The following IL31RA variants were observed in gnomAD, a reference collection of about 807,000 sequenced individuals.
The protein encoded by IL31RA is interleukin-31 receptor subunit alpha.
IL31RA carries 66 observed loss-of-function variants against 83.7 expected under a neutral mutation model. That is an observed-to-expected ratio of 0.79 (90% confidence interval 0.65 to 0.97). The LOEUF (loss-of-function observed/expected upper bound fraction) is 0.97. IL31RA is among the 50% of genes least tolerant of loss of function. IL31RA has a pLI of 0.00. For synonymous variants in IL31RA, 325 were observed against 329.0 expected, an observed-to-expected ratio of 0.99 and a Z score of 0.13; for missense variants, 798 against 919.4, an observed-to-expected ratio of 0.87 and a Z score of 1.71.
intron 5 of IL31RA, among the ~76,000 whole-genome samples, chr5:55,888,605 T>C (rs910958262): frequency 6.6e-6 from 1 of 152,206 alleles, no homozygotes; most frequent in Non-Finnish European, 1.5e-5. Flanking sequence ...GGATTAGTAT[T>C]TTTATTTTAA....
chr5:55,900,067 T>G lies in IL31RA; in HGVS notation c.1004T>G (p.Ile335Ser). The change falls in exon 8 of 15, where the codon ATT (isoleucine) becomes AGT (serine). Residue 335 changes from isoleucine to serine, a missense_variant. Coordinates refer to ENST00000652347, the MANE Select transcript of IL31RA (RefSeq NM_139017.7). ...GGCGAGAGCTTTTGGGTGTCTATGA[T>G]TTCTTATAATTCTCTTGGGAAGTCT... ...LGGESFWVSM[I>S]SYNSLGKSPV... is the part of the protein sequence containing the mutation. 1.2e-6 allele frequency: 2 copies of G among 1,614,152 alleles called. No individual in the cohort carries two copies. Among genetic ancestry groups the G allele is most frequent in the South Asian group, 1.1e-5 (1 of 91,080 alleles).
At chr5:55,891,671 T>C (rs1748001470) in intron 6 of IL31RA, among the ~76,000 whole-genome samples, 1 of 151,166 alleles carries the variant, frequency 6.6e-6, no homozygotes, top group Non-Finnish European at 1.5e-5. Context: ...AAGATAATGT[T>C]CCCATCTCAA....
At chr5:55,909,546 T>C (rs191893222) in intron 11 of IL31RA, among the ~76,000 whole-genome samples, 1 of 152,240 alleles carries the variant, frequency 6.6e-6, no homozygotes, top group African/African-American at 2.4e-5. Context: ...GTATGAGAGT[T>C]TTCATTTCCC....
intron 1 of IL31RA, among the ~76,000 whole-genome samples, chr5:55,853,021 G>T (rs543554653): frequency 1.3e-5 from 2 of 152,280 alleles, no homozygotes; most frequent in South Asian, 4.1e-4. Flanking sequence ...TGAAGCTCTG[G>T]TTTCTCAGTT....
At chr5:55,847,023 T>C (rs1338090932), upstream of IL31RA, among the ~76,000 whole-genome samples, 2 of 151,002 alleles carry the variant, frequency 1.3e-5, no homozygotes, top group Admixed American at 1.3e-4. Flanking sequence ...GGCAGGTGGA[T>C]CATGAGGTCA....
intron 9 of IL31RA, among the ~76,000 whole-genome samples, chr5:55,906,728 G>T (rs1749183321): frequency 6.6e-6 from 1 of 152,186 alleles, no homozygotes; most frequent in South Asian, 2.1e-4. Flanking sequence ...AGATATGCGA[G>T]TGAGGCTTTA....
chr5:55,845,914 T>G, the IL31RA span, among the ~76,000 whole-genome samples: 9 of 152,196 alleles, frequency 5.9e-5, no homozygotes, highest in East Asian at 1.7e-3. Flanking sequence ...TAATCTTTGC[T>G]ATGAGAATTT....
At chr5:55,851,090 T>A (rs1745045040), upstream of IL31RA, among the ~76,000 whole-genome samples, 1 of 151,346 alleles carries the variant, frequency 6.6e-6, no homozygotes, top group Non-Finnish European at 1.5e-5. Flanking sequence ...AGCGAAACTC[T>A]GTCTCAGAAG....
upstream of IL31RA, among the ~76,000 whole-genome samples, chr5:55,848,755 G>A (rs956985123): frequency 2.6e-5 from 4 of 152,120 alleles, no homozygotes; most frequent in African/African-American, 9.7e-5. Context: ...GTGTGAGATG[G>A]GGGGGCTGCC....
chr5:55,913,842 T>C (rs1160314232), intron 13 of IL31RA, among the ~76,000 whole-genome samples: 2 of 152,204 alleles, frequency 1.3e-5, no homozygotes, highest in Admixed American at 1.3e-4. Flanking sequence ...ACAGGCTCTG[T>C]CTGCTCCATT....
intron 5 of IL31RA, among the ~76,000 whole-genome samples, chr5:55,886,268 C>CTTGCTTTGTTTTTTTTTTTTTTTTTTTT (rs1235138364): frequency 1.4e-5 from 1 of 71,510 alleles, no homozygotes; most frequent in Admixed American, 1.5e-4. Context: ...TGCTTGCTTG[C>CTTGCTTTGTTTTTTTTTTTTTTTTTTTT]TTTTTTTTTT....
chr5:55,893,285 T>C (rs1748129693), intron 6 of IL31RA, among the ~76,000 whole-genome samples: 1 of 152,258 alleles, frequency 6.6e-6, no homozygotes, highest in Admixed American at 6.5e-5. Flanking sequence ...ACATTATTGC[T>C]GTATCTGATT....
chr5:55,910,760 G>A, intron 12 of IL31RA, 88 bp downstream of exon 12: 1 of 1,494,644 alleles, frequency 6.7e-7, no homozygotes. Flanking sequence ...GCTGGAGGAA[G>A]CCAAATGAAA....
At chr5:55,915,495 G>A (rs370147230) in intron 14 of IL31RA, among the ~76,000 whole-genome samples, 16 of 152,246 alleles carry the variant, frequency 1.1e-4, no homozygotes, top group East Asian at 9.6e-4. Context: ...GTGGAAAACC[G>A]TTAGGGAAAT....
chr5:55,907,755 A>G (rs1346607326), intron 10 of IL31RA, among the ~76,000 whole-genome samples: 1 of 152,252 alleles, frequency 6.6e-6, no homozygotes, highest in Non-Finnish European at 1.5e-5. Context: ...ACCAGCAATA[A>G]CACTGAATTA....
chr5:55,889,402 C>T (rs1747839199), intron 5 of IL31RA, among the ~76,000 whole-genome samples: 1 of 152,172 alleles, frequency 6.6e-6, no homozygotes. Flanking sequence ...TGACTGGTCA[C>T]CCAAAGACCA....
chr5:55,878,804 C>A (rs1220582804), intron 4 of IL31RA, among the ~76,000 whole-genome samples: 1 of 152,136 alleles, frequency 6.6e-6, no homozygotes, highest in East Asian at 1.9e-4. Flanking sequence ...CAGGCACACA[C>A]CACACCTGGC....
Position 55,853,270 on chromosome 5 carries a change from G to C in IL31RA, c.63+1637G>C, listed in dbSNP as rs1048396226. Reference sequence around the variant, plus strand: ...TTTAGTTGTTTCTGGTCTTTCAGATGATCCTTTTTTTTTGTAGAGTTGAGT... The same window carrying C: ...TTTAGTTGTTTCTGGTCTTTCAGATCATCCTTTTTTTTTGTAGAGTTGAGT... On this transcript the variant is annotated intron_variant, in intron 1 of 14. Transcript: ENST00000652347. 8 of 1,174,792 alleles carry C rather than the reference G, an allele frequency of 6.8e-6. No individual in the cohort carries two copies. The African/African-American group carries it at 9.5e-5, about 14-fold the overall frequency. The allele number at this position is 1,174,792 out of a possible 1,614,324, so 72.8% of individuals were successfully genotyped here.
Position 55,920,886 on chromosome 5 carries a change from C to T in IL31RA, c.*3766C>T, listed in dbSNP as rs998883057. Among the ~76,000 whole-genome samples the T allele has an allele frequency of 6.6e-6, 1 of 152,104 alleles. No homozygotes were observed. Among genetic ancestry groups the T allele is most frequent in the African/African-American group, 2.4e-5 (1 of 41,418 alleles). On this transcript the variant is annotated 3_prime_UTR_variant, in exon 15 of 15. Coordinates refer to ENST00000652347, the MANE Select transcript of IL31RA (RefSeq NM_139017.7). ...CTTTCAACAGGAGTGATTTTGACCC[C>T]CAGCCTCCAAACCTCAGACATTTGG...
Sources: allele counts gnomAD v4.1 joint callset (sites outside exome capture counted in the v4.1 genomes callset), GRCh38; gene constraint gnomAD v4.1.1; transcripts MANE v1.5; gene names NCBI Gene and HGNC (gene_info 2026-07-23, HGNC 2026-07-21).